The following SLC6A6 variants were observed in gnomAD, a reference collection of about 807,000 sequenced individuals.
SLC6A6 encodes the protein sodium- and chloride-dependent taurine transporter.
A neutral mutation model predicts 68.8 loss-of-function variants in SLC6A6; 16 were observed. The observed-to-expected ratio is 0.23, with a 90% confidence interval of 0.16 to 0.35. The LOEUF is 0.35. Among genes scored for constraint, SLC6A6 ranks in the 10% least tolerant of loss-of-function variants. The pLI is 1.00. For synonymous variants in SLC6A6, 312 were observed against 315.4 expected, an observed-to-expected ratio of 0.99 and a Z score of 0.12; for missense variants, 474 against 802.8, an observed-to-expected ratio of 0.59 and a Z score of 4.95.
At chr3:14,480,402 A>G (rs1241773879) in intron 13 of SLC6A6, among the ~76,000 whole-genome samples, 2 of 152,194 alleles carry the variant, frequency 1.3e-5, no homozygotes, top group Non-Finnish European at 2.9e-5. Flanking sequence ...TGGATACGTC[A>G]GAGATAGGCT....
chr3:14,473,357 T>C (rs1291647691), intron 10 of SLC6A6, among the ~76,000 whole-genome samples: 3 of 152,018 alleles, frequency 2.0e-5, no homozygotes, highest in Non-Finnish European at 4.4e-5. Context: ...GCAGGTAGGA[T>C]GTAGACTGTG....
rs1219298228 is a variant in SLC6A6 at position 14,468,023 on chromosome 3, G to GA, written c.972-63dup. ...TGATGATGATGTTTAAAGAAAAAGA[G>GA]AAGTAGGGAGCGTGGCTTCCTTGTG... On this transcript the variant is annotated intron_variant, in intron 8 of 14. Coordinates refer to ENST00000622186, the MANE Select transcript of SLC6A6 (RefSeq NM_003043.6). The surrounding 1 kb of genome is among the most constrained non-coding windows in gnomAD (Gnocchi z 4.5). 3 of 1,612,052 alleles carry GA rather than the reference G, an allele frequency of 1.9e-6. No homozygotes were observed. The African/African-American group carries it at 4.0e-5, about 22-fold the overall frequency.
chr3:14,469,083 G>A (rs1420923315), intron 9 of SLC6A6, among the ~76,000 whole-genome samples: 1 of 152,104 alleles, frequency 6.6e-6, no homozygotes, highest in African/African-American at 2.4e-5. Flanking sequence ...GCAGTGGCTT[G>A]GGTTATGGGA....
intron 2 of SLC6A6, among the ~76,000 whole-genome samples, chr3:14,435,354 C>G (rs1699827873): frequency 2.0e-5 from 3 of 152,128 alleles, no homozygotes; most frequent in South Asian, 2.1e-4. Flanking sequence ...GGTCGGGGGT[C>G]TCTGAGGGTA....
Position 14,402,932 on chromosome 3 carries a change from C to G in SLC6A6, c.-54+85C>G, listed in dbSNP as rs1699018628. The G allele has an allele frequency of 5.2e-6, 2 of 386,028 alleles. No homozygotes were observed. Among genetic ancestry groups the G allele is most frequent in the Non-Finnish European group, 4.6e-6 (1 of 218,004 alleles). 23.9% of individuals were successfully genotyped at this position (386,028 alleles called of 1,614,324 possible). A position where few individuals can be genotyped will look rare whatever the true frequency, so the allele number is the denominator to read the frequency against. ...CCCCATCCCCGCGTCGCCGCAGTCC[C>G]GGCCTCCTCCCCTCCGCGTGCGCCC... On this transcript the variant is annotated intron_variant, in intron 1 of 14. Coordinates refer to ENST00000622186, the MANE Select transcript of SLC6A6 (RefSeq NM_003043.6). This position sits in a 1 kb window ranked among gnomAD's most constrained non-coding sequence, Gnocchi z 4.8.
chr3:14,422,511 A>G (rs1329359052), intron 2 of SLC6A6, among the ~76,000 whole-genome samples: 3 of 152,100 alleles, frequency 2.0e-5, no homozygotes, highest in African/African-American at 7.2e-5. Flanking sequence ...AGCGTCCTCC[A>G]CTAAGTCAGG....
Position 14,472,907 on chromosome 3 carries a change from G to A in SLC6A6, c.1209+590G>A, listed in dbSNP as rs1700786639. ...CTCCCGTGCTTTATACACCGCACAG[G>A]CCGGGAGCCTCGCTCAAACCCGCCC... On this transcript the variant is annotated intron_variant, in intron 10 of 14. Transcript: ENST00000622186. This position sits in a 1 kb window ranked among gnomAD's most constrained non-coding sequence, Gnocchi z 4.5. Among the ~76,000 whole-genome samples, 1 of 152,222 alleles carries A rather than the reference G, an allele frequency of 6.6e-6. No individual in the cohort carries two copies. The highest frequency in any genetic ancestry group is 1.5e-5 in the Non-Finnish European group (1 of 68,052).
At chr3:14,416,888 C>T (rs567344400) in intron 2 of SLC6A6, among the ~76,000 whole-genome samples, 16 of 152,350 alleles carry the variant, frequency 1.1e-4, no homozygotes, top group African/African-American at 3.1e-4. Context: ...CTGTCGCCTA[C>T]GCTGGGGTGC....
Position 14,481,619 on chromosome 3 carries a change from C to T in SLC6A6, c.1552-52C>T. On this transcript the variant is annotated intron_variant, in intron 13 of 14. Transcript: ENST00000622186. This position sits in a 1 kb window ranked among gnomAD's most constrained non-coding sequence, Gnocchi z 4.7. ...GGCCAGTCCTAGTCCCAGAAGCCCC[C>T]CACCCCCCGATGCCCAGGACCCCTC... The T allele has an allele frequency of 2.3e-6, 3 of 1,304,478 alleles. No individual in the cohort carries two copies. The highest frequency in any genetic ancestry group is 1.8e-5 in the Admixed American group (1 of 54,870). The allele number at this position is 1,304,478 out of a possible 1,614,324, so 80.8% of individuals were successfully genotyped here.
At chr3:14,413,262 A>T (rs1413372713) in intron 1 of SLC6A6, among the ~76,000 whole-genome samples, 1 of 152,176 alleles carries the variant, frequency 6.6e-6, no homozygotes, top group African/African-American at 2.4e-5. Flanking sequence ...ATTTAAATAC[A>T]TTCCAGGGAA....
At position 14,477,391 on chromosome 3, in the gene SLC6A6, C is replaced by A; in HGVS notation, c.1347+49C>A. The A allele has an allele frequency of 6.3e-7, 1 of 1,593,594 alleles. No homozygotes were observed. Among genetic ancestry groups the A allele is most frequent in the Non-Finnish European group, 8.6e-7 (1 of 1,164,064 alleles). ...TTCAGGCTTGGTGCTCCAGTGCCCT[C>A]CTCAAGGCCATAGTGGAGGCAGCAG... is the stretch of plus-strand genomic sequence containing the variant. On this transcript the variant is annotated intron_variant, in intron 11 of 14. Transcript: ENST00000622186. The surrounding 1 kb of genome is among the most constrained non-coding windows in gnomAD (Gnocchi z 4.2).
chr3:14,467,701 G>T (rs999742633), intron 7 of SLC6A6, 152 bp from the exon 8 acceptor site: 20 of 600,298 alleles, frequency 3.3e-5, no homozygotes, highest in East Asian at 8.4e-5. Flanking sequence ...GCCTTGAAAG[G>T]CACCTTGGAT....
Position 14,483,019 on chromosome 3 carries a change from G to A in SLC6A6, c.1722+1178G>A, listed in dbSNP as rs139187253. Among the ~76,000 whole-genome samples the A allele has an allele frequency of 6.2e-4, 94 of 152,178 alleles. No individual in the cohort carries two copies. The East Asian group carries it at 0.017, about 28-fold the overall frequency. ...AGGGCACAGCAAGGGGTCTCTAAAGGTTCTGATTGGTCTAGGGGTCTCTGC... is the reference window on the plus strand; with the variant it reads ...AGGGCACAGCAAGGGGTCTCTAAAGATTCTGATTGGTCTAGGGGTCTCTGC... On this transcript the variant is annotated intron_variant, in intron 14 of 14. Transcript: ENST00000622186.
At chr3:14,409,368 G>T (rs1244933852) in intron 1 of SLC6A6, among the ~76,000 whole-genome samples, 2 of 152,238 alleles carry the variant, frequency 1.3e-5, no homozygotes, top group African/African-American at 4.8e-5. Context: ...AGCCGATTCA[G>T]CATTCTGAGA....
chr3:14,459,950 T>C (rs1700459696), intron 6 of SLC6A6, among the ~76,000 whole-genome samples: 1 of 147,898 alleles, frequency 6.8e-6, no homozygotes, highest in Non-Finnish European at 1.5e-5. Context: ...CAGGCTGAAA[T>C]GCAGTGGCTT....
chr3:14,434,543 C>T (rs998302372), intron 2 of SLC6A6, among the ~76,000 whole-genome samples: 7 of 152,220 alleles, frequency 4.6e-5, no homozygotes, highest in Admixed American at 2.6e-4. Flanking sequence ...TTGCCAAAGC[C>T]ACTCAAACCT....
chr3:14,429,587 C>G (rs1017363076), intron 2 of SLC6A6, among the ~76,000 whole-genome samples: 9 of 152,216 alleles, frequency 5.9e-5, no homozygotes, highest in Non-Finnish European at 2.9e-5. Context: ...GCCCAGGTGC[C>G]TCCCAGTTCA....
At chr3:14,417,700 C>A (rs1699395645) in intron 2 of SLC6A6, among the ~76,000 whole-genome samples, 2 of 150,322 alleles carry the variant, frequency 1.3e-5, no homozygotes, top group African/African-American at 2.5e-5. Context: ...CCACTGCACT[C>A]CAGCCTGGGC....
At chr3:14,414,521 CT>C (rs1268657033) in intron 1 of SLC6A6, among the ~76,000 whole-genome samples, 4 of 148,986 alleles carry the variant, frequency 2.7e-5, no homozygotes, top group African/African-American at 4.9e-5. Context: ...TAGTGCTATT[CT>C]TTTTTTTTTC....
Sources: allele counts gnomAD v4.1 joint callset (sites outside exome capture counted in the v4.1 genomes callset), GRCh38; gene constraint gnomAD v4.1.1; non-coding constraint Gnocchi (gnomAD v3.1); transcripts MANE v1.5; gene names NCBI Gene and HGNC (gene_info 2026-07-23, HGNC 2026-07-21).